The following CCDC158 variants were observed in gnomAD, a reference collection of about 807,000 sequenced individuals.
The protein encoded by CCDC158 is coiled-coil domain-containing protein 158.
A neutral mutation model predicts 138.6 loss-of-function variants in CCDC158; 116 were observed. That is an observed-to-expected ratio of 0.84 (90% CI 0.72 to 0.98). The LOEUF (loss-of-function observed/expected upper bound fraction) is 0.98, where lower values mean the gene tolerates loss of function less well. Ranked by LOEUF, CCDC158 falls within the 50% of genes least tolerant of loss-of-function variation. The pLI, the probability that CCDC158 is intolerant of heterozygous loss-of-function variation, is 0.00. For missense variants in CCDC158, 1,265 were observed against 1,306.1 expected, an observed-to-expected ratio of 0.97 and a Z score of 0.48; for synonymous variants, 436 against 442.4, an observed-to-expected ratio of 0.99 and a Z score of 0.18.
intron 24 of CCDC158, among the ~76,000 whole-genome samples, chr4:76,321,306 G>C (rs1198629838): frequency 6.6e-6 from 1 of 151,934 alleles, no homozygotes; most frequent in Non-Finnish European, 1.5e-5. Context: ...TGGTAAAAAG[G>C]GAACACTTTT....
intron 4 of CCDC158, among the ~76,000 whole-genome samples, chr4:76,384,945 A>G (rs999453618): frequency 7.9e-5 from 12 of 152,214 alleles, no homozygotes; most frequent in African/African-American, 2.7e-4. Flanking sequence ...GGAGATAGAA[A>G]TACATTTTTT....
intron 19 of CCDC158, 122 bp downstream of exon 19, chr4:76,333,887 TA>T (rs1201973653): frequency 6.9e-6 from 4 of 578,672 alleles, no homozygotes; most frequent in Non-Finnish European, 1.1e-5. Flanking sequence ...TTTTCTGTGG[TA>T]GTAACTTCAG....
At chr4:76,390,825 T>C (rs1054891001) in intron 4 of CCDC158, among the ~76,000 whole-genome samples, 2 of 151,900 alleles carry the variant, frequency 1.3e-5, no homozygotes, top group African/African-American at 4.8e-5. Context: ...AAAGAGCAGA[T>C]GTAGCTATAC....
At chr4:76,396,551 GC>G in intron 3 of CCDC158, 65 bp from the exon 4 acceptor site, 1 of 1,251,970 alleles carries the variant, frequency 8.0e-7, no homozygotes, top group Non-Finnish European at 1.1e-6. Context: ...CACTGTTATT[GC>G]CCAGGCTGGA....
chr4:76,336,149 T>C (rs1721470429), intron 18 of CCDC158, among the ~76,000 whole-genome samples: 1 of 111,700 alleles, frequency 9.0e-6, no homozygotes, highest in Non-Finnish European at 1.6e-5. Context: ...GCCATTGCAC[T>C]CCAGCCTGGT....
chr4:76,378,027 T>C (rs1264840887), intron 9 of CCDC158, among the ~76,000 whole-genome samples: 1 of 152,238 alleles, frequency 6.6e-6, no homozygotes, highest in East Asian at 1.9e-4. Context: ...TGGAAGACAC[T>C]GCTGTAAAGG....
At chr4:76,420,408 A>C (rs1450161824) in intron 1 of CCDC158, among the ~76,000 whole-genome samples, 1 of 152,208 alleles carries the variant, frequency 6.6e-6, no homozygotes, top group African/African-American at 2.4e-5. Flanking sequence ...AACCTGGAGC[A>C]GCCTGAGTGG....
chr4:76,355,290 T>C (rs1578953485), intron 15 of CCDC158, 34 bp downstream of exon 15: 1 of 1,338,532 alleles, frequency 7.5e-7, no homozygotes, highest in South Asian at 1.2e-5. Context: ...TGAGTGAACA[T>C]GTTGGTTTCC....
At chr4:76,408,336 C>A (rs1729006873) in intron 2 of CCDC158, among the ~76,000 whole-genome samples, 1 of 152,016 alleles carries the variant, frequency 6.6e-6, no homozygotes, top group East Asian at 1.9e-4. Context: ...TCCCTCCCCG[C>A]TCCCCCCACC....
chr4:76,400,749 A>G (rs1728298871), intron 3 of CCDC158, among the ~76,000 whole-genome samples: 1 of 152,108 alleles, frequency 6.6e-6, no homozygotes, highest in Admixed American at 6.5e-5. Flanking sequence ...ACATTTGTGT[A>G]TTTTCCCTAG....
At chr4:76,363,759 G>A (rs985985915) in intron 12 of CCDC158, among the ~76,000 whole-genome samples, 4 of 152,120 alleles carry the variant, frequency 2.6e-5, no homozygotes, top group Non-Finnish European at 5.9e-5. Context: ...AAGAACTTGA[G>A]CATGCATTGT....
intron 18 of CCDC158, chr4:76,344,577 G>A: frequency 1.7e-6 from 2 of 1,175,616 alleles, no homozygotes; most frequent in South Asian, 1.2e-5. Flanking sequence ...GGACCTGAAT[G>A]TTGATCCCTC....
chr4:76,414,145 G>A (rs1278867094), intron 1 of CCDC158: 1 of 152,098 alleles, frequency 6.6e-6, no homozygotes, highest in Non-Finnish European at 1.5e-5. Context: ...CTGAACTCCA[G>A]GGATCTGTCT....
At chr4:76,315,109 T>C (rs577204589) in intron 24 of CCDC158, among the ~76,000 whole-genome samples, 5 of 152,280 alleles carry the variant, frequency 3.3e-5, no homozygotes, top group East Asian at 1.9e-4. Context: ...GGGAGCAAGA[T>C]TGGCCTTGCC....
At chr4:76,380,675 G>A (rs1726148448) in intron 8 of CCDC158, among the ~76,000 whole-genome samples, 2 of 152,188 alleles carry the variant, frequency 1.3e-5, no homozygotes, top group Non-Finnish European at 2.9e-5. Context: ...ATTTCCTGGG[G>A]AGAAATTCAA....
intron 18 of CCDC158, chr4:76,345,661 C>A (rs1002804121): frequency 2.5e-5 from 19 of 745,384 alleles, no homozygotes; most frequent in Non-Finnish European, 4.4e-5. Context: ...TAAATCATTA[C>A]CATGGAAGAT....
At chr4:76,364,030 G>A (rs958073934) in intron 12 of CCDC158, among the ~76,000 whole-genome samples, 3 of 152,018 alleles carry the variant, frequency 2.0e-5, no homozygotes, top group South Asian at 2.1e-4. Flanking sequence ...CTAATTCGGC[G>A]TTTCCAACTA....
At position 76,387,821 on chromosome 4, in the gene CCDC158, T is replaced by TAAA. The variant is rs57778797; in HGVS notation, c.289-3159_289-3157dup. The stretch of plus-strand genomic sequence containing the variant: ...CTGGGCGACAGAGACAGACTACAAC[T>TAAA]AAAAAAAAAAAAAAAAAAATCAAAC... On this transcript the variant is annotated intron_variant, in intron 4 of 24. Transcript: ENST00000682701. Among the ~76,000 whole-genome samples, 204 of 104,012 alleles carry TAAA rather than the reference T, an allele frequency of 2.0e-3. 3 individuals are homozygous for TAAA. The highest frequency in any genetic ancestry group is 7.3e-3 in the African/African-American group (191 of 26,014). The allele number at this position is 104,012 out of a possible 152,430, so 68.2% of individuals were successfully genotyped here. A position where few individuals can be genotyped will look rare whatever the true frequency, so the allele number is the denominator to read the frequency against.
At chr4:76,385,285 C>A (rs1726681053) in intron 4 of CCDC158, among the ~76,000 whole-genome samples, 1 of 151,934 alleles carries the variant, frequency 6.6e-6, no homozygotes, top group South Asian at 2.1e-4. Context: ...CCACTGAACA[C>A]TTGAAGAAAA....
Sources: gnomAD v4.1 joint callset for allele counts (sites outside exome capture counted in the v4.1 genomes callset) on GRCh38, gnomAD v4.1.1 for gene constraint, MANE v1.5 for transcripts, NCBI Gene and HGNC (gene_info 2026-07-23, HGNC 2026-07-21) for gene names.